IMPA2: variants seen among roughly 807,000 people sequenced by gnomAD.
IMPA2 encodes IMP 2.
A neutral mutation model predicts 35.1 loss-of-function variants in IMPA2; 32 were observed. The observed-to-expected ratio is 0.91, with a 90% CI of 0.69 to 1.23. The LOEUF (loss-of-function observed/expected upper bound fraction) is 1.23, where lower values mean the gene tolerates loss of function less well. Ranked by LOEUF, IMPA2 falls within the 50% of genes most tolerant of loss-of-function variation. The probability of loss-of-function intolerance (pLI) is 0.00; values close to 1 mark genes in which losing one functional copy is unlikely to be tolerated. For synonymous variants in IMPA2, 135 were observed against 160.6 expected (o/e 0.84, Z 1.20); for missense variants, 334 against 387.6 (o/e 0.86, Z 1.16).
In IMPA2 at chr18:12,009,876, A is replaced by G. The variant is rs603364; in HGVS notation, c.231-7A>G. ...GCATTTTCTCAGGCTGGGTTCTTCCACTGCAGGTTCATTGCAGAAGAGGCC... is the reference window on the plus strand; with the variant it reads ...GCATTTTCTCAGGCTGGGTTCTTCCGCTGCAGGTTCATTGCAGAAGAGGCC... On this transcript the variant is annotated splice_polypyrimidine_tract_variant and splice_region_variant and intron_variant, in intron 2 of 7. Transcript: ENST00000269159. 3.5e-3 allele frequency: 5,713 copies of G among 1,610,408 alleles called. 178 individuals are homozygous for G. In the African/African-American group the frequency reaches 0.067, roughly 19 times the overall value.
intron 7 of IMPA2, 33 bp downstream of exon 7, chr18:12,029,026 G>T: frequency 6.3e-7 from 1 of 1,581,508 alleles, no homozygotes. Context: ...TGCAGCGGCA[G>T]AAACTAGACT....
In IMPA2 at chr18:11,981,633, A is replaced by C. The variant is rs1237741617; in HGVS notation, c.-37A>C. The C allele has an allele frequency of 1.7e-6, 2 of 1,210,652 alleles. No individual in the cohort carries two copies. Among genetic ancestry groups the C allele is most frequent in the African/African-American group, 3.2e-5 (2 of 63,324 alleles). 75.0% of individuals were successfully genotyped at this position (1,210,652 alleles called of 1,614,324 possible). A position where few individuals can be genotyped will look rare whatever the true frequency, so the allele number is the denominator to read the frequency against. ...TCCGGTGGGAGCCGGAGTCCCGCCG[A>C]GGGGGGCTGGAGGTGGAGGGGCCCG... is the stretch of plus-strand genomic sequence containing the variant. On this transcript the variant is annotated 5_prime_UTR_variant, in exon 1 of 8. Transcript: ENST00000269159.
intron 1 of IMPA2, among the ~76,000 whole-genome samples, chr18:11,983,516 T>G (rs912403706): frequency 1.3e-5 from 2 of 152,214 alleles, no homozygotes; most frequent in African/African-American, 2.4e-5. Context: ...ATGTTATTAT[T>G]TAACAAATGT....
chr18:12,003,316 C>G (rs1907163507), intron 2 of IMPA2, among the ~76,000 whole-genome samples: 1 of 152,176 alleles, frequency 6.6e-6, no homozygotes, highest in Non-Finnish European at 1.5e-5. Context: ...CCATGGTCAT[C>G]CCTGAAGTCC....
chr18:11,981,801 AG>A, intron 1 of IMPA2, 36 bp downstream of exon 1: 1 of 1,199,232 alleles, frequency 8.3e-7, no homozygotes. Flanking sequence ...GTCCGGGCGG[AG>A]CAGAAGCGCG....
At chr18:11,998,800 T>G (rs1195774386) in intron 1 of IMPA2, among the ~76,000 whole-genome samples, 1 of 152,062 alleles carries the variant, frequency 6.6e-6, no homozygotes, top group African/African-American at 2.4e-5. Flanking sequence ...TAATTTTTCT[T>G]GTAAAAGAAT....
intron 4 of IMPA2, among the ~76,000 whole-genome samples, chr18:12,012,870 C>G (rs1243870755): frequency 1.3e-5 from 2 of 152,198 alleles, no homozygotes; most frequent in African/African-American, 4.8e-5. Context: ...GCAGCTTCAC[C>G]TTAGTCTCAG....
At chr18:11,981,850 C>T in intron 1 of IMPA2, 85 bp downstream of exon 1, 1 of 967,990 alleles carries the variant, frequency 1.0e-6, no homozygotes, top group Non-Finnish European at 1.3e-6. Context: ...GGGGTCCTGG[C>T]GCGCAGCCGG....
intron 1 of IMPA2, among the ~76,000 whole-genome samples, chr18:11,998,731 A>G (rs1260916660): frequency 1.3e-5 from 2 of 152,206 alleles, no homozygotes; most frequent in Non-Finnish European, 2.9e-5. Flanking sequence ...TTACTCGAAG[A>G]GAAGTTGTTT....
Position 12,016,798 on chromosome 18 carries a change from G to A in IMPA2, c.490+2425G>A, listed in dbSNP as rs979987884. Among the ~76,000 whole-genome samples the A allele has an allele frequency of 2.6e-5, 4 of 152,100 alleles. No homozygotes were observed. In the East Asian group the frequency reaches 7.7e-4, roughly 29 times the overall value. On this transcript the variant is annotated intron_variant, in intron 5 of 7. Transcript: ENST00000269159. ...GAATCTCAGTCCTCATATTGAAAAC[G>A]GGGATGCTGATGATAATAAAAATAA...
Position 12,030,541 on chromosome 18 carries a change from C to A in IMPA2, c.*83C>A. 9.5e-7 allele frequency: 1 copy of A among 1,051,602 alleles called. No individual in the cohort carries two copies. The allele number at this position is 1,051,602 out of a possible 1,614,324, so 65.1% of individuals were successfully genotyped here. On this transcript the variant is annotated 3_prime_UTR_variant, in exon 8 of 8. Transcript: ENST00000269159. Reference sequence around the variant, plus strand: ...GAGGTGGCCCTCGTGGCCCACGCTCCATGCCAGTGGCTCACGCTCTGCTCC... The same window carrying A: ...GAGGTGGCCCTCGTGGCCCACGCTCAATGCCAGTGGCTCACGCTCTGCTCC...
intron 1 of IMPA2, among the ~76,000 whole-genome samples, chr18:11,985,147 C>CAAAAAAAAAAAAA (rs60194371): frequency 1.2e-5 from 1 of 80,556 alleles, no homozygotes; most frequent in Admixed American, 1.3e-4. Context: ...AACTCTGTCT[C>CAAAAAAAAAAAAA]AAAAAAAAAA....
rs761106813 is a variant in IMPA2 at position 11,991,762 on chromosome 18, G to T, written c.97-7292G>T. Among the ~76,000 whole-genome samples the T allele has an allele frequency of 6.6e-6, 1 of 152,152 alleles. No homozygotes were observed. Among genetic ancestry groups the T allele is most frequent in the African/African-American group, 2.4e-5 (1 of 41,430 alleles). On this transcript the variant is annotated intron_variant, in intron 1 of 7. Coordinates refer to ENST00000269159, the MANE Select transcript of IMPA2 (RefSeq NM_014214.3). The surrounding 1 kb of genome is among the most constrained non-coding windows in gnomAD (Gnocchi z 4.1). ...TTTCATTCTGTTTGGGCCCTCAGCT[G>T]TTGGACAAGGCCTGCCCACAGGAAG...
At chr18:11,982,419 G>C (rs999021187) in intron 1 of IMPA2, among the ~76,000 whole-genome samples, 5 of 152,210 alleles carry the variant, frequency 3.3e-5, no homozygotes. Flanking sequence ...AGCAGTGCCT[G>C]ACACACCGAC....
chr18:12,003,901 TG>T (rs1907184835), intron 2 of IMPA2, among the ~76,000 whole-genome samples: 1 of 152,246 alleles, frequency 6.6e-6, no homozygotes, highest in Admixed American at 6.5e-5. Flanking sequence ...TTGTCCCTTC[TG>T]TGGAGCAGCC....
intron 2 of IMPA2, among the ~76,000 whole-genome samples, chr18:12,006,459 A>G (rs1907250334): frequency 6.6e-6 from 1 of 152,186 alleles, no homozygotes; most frequent in Admixed American, 6.5e-5. Flanking sequence ...ACTGCATCTC[A>G]TCTGCCTTGC....
chr18:12,009,106 C>T (rs1371318991), intron 2 of IMPA2, among the ~76,000 whole-genome samples: 1 of 152,136 alleles, frequency 6.6e-6, no homozygotes, highest in Non-Finnish European at 1.5e-5. Flanking sequence ...AGCAAGACCC[C>T]ACCTCTACAA....
At chr18:11,986,167 C>T (rs1906658987) in intron 1 of IMPA2, among the ~76,000 whole-genome samples, 1 of 152,200 alleles carries the variant, frequency 6.6e-6, no homozygotes, top group Non-Finnish European at 1.5e-5. Flanking sequence ...CTCTAGTTGG[C>T]CTTGCACACC....
At chr18:12,025,322 C>T (rs1437372478) in intron 5 of IMPA2, among the ~76,000 whole-genome samples, 7 of 152,192 alleles carry the variant, frequency 4.6e-5, no homozygotes, top group Admixed American at 4.6e-4. Flanking sequence ...ATGAATAAAT[C>T]TGCTCTTAAC....
Sources: gnomAD v4.1 joint callset for allele counts (sites outside exome capture counted in the v4.1 genomes callset) on GRCh38, gnomAD v4.1.1 for gene constraint, Gnocchi (gnomAD v3.1) non-coding constraint, MANE v1.5 for transcripts, NCBI Gene and HGNC (gene_info 2026-07-23, HGNC 2026-07-21) for gene names.